Variants in ASTN2 observed in about 807,000 individuals in gnomAD.
The protein encoded by ASTN2 is astrotactin-2.
ASTN2 carries 54 observed loss-of-function variants against 139.8 expected under a neutral mutation model. That is an observed-to-expected ratio of 0.39 (90% CI 0.31 to 0.48). The LOEUF is 0.48. Ranked by LOEUF, ASTN2 falls within the 20% of genes least tolerant of loss-of-function variation. The pLI is 0.95. For missense variants in ASTN2, 1,565 were observed against 1,725.1 expected (o/e 0.91, Z 1.64); for synonymous variants, 756 against 719.5 (o/e 1.05, Z -0.81).
chr9:116,781,078 G>C (rs1158653111), intron 13 of ASTN2, among the ~76,000 whole-genome samples: 4 of 152,098 alleles, frequency 2.6e-5, no homozygotes, highest in Non-Finnish European at 5.9e-5. Flanking sequence ...GACCTCAGGT[G>C]ATCCGCCCAC....
At chr9:117,245,829 C>T (rs916657119) in intron 2 of ASTN2, among the ~76,000 whole-genome samples, 5 of 152,138 alleles carry the variant, frequency 3.3e-5, no homozygotes, top group Non-Finnish European at 7.4e-5. Context: ...GGTCTCTGCT[C>T]TTTAGGTCCT....
At chr9:116,579,028 T>G (rs756500872) in intron 19 of ASTN2, 2 of 152,042 alleles carry the variant, frequency 1.3e-5, no homozygotes, top group African/African-American at 2.4e-5. Context: ...GCACCTGTGA[T>G]TCTCAAAATA....
chr9:116,942,485 A>T (rs895767906), intron 10 of ASTN2, among the ~76,000 whole-genome samples: 1 of 152,060 alleles, frequency 6.6e-6, no homozygotes, highest in African/African-American at 2.4e-5. Flanking sequence ...CCTCTGTAGG[A>T]TATGGTCCCT....
intron 1 of ASTN2, among the ~76,000 whole-genome samples, chr9:117,335,019 C>A (rs1828838054): frequency 1.3e-5 from 2 of 152,158 alleles, no homozygotes; most frequent in Admixed American, 1.3e-4. Flanking sequence ...CATGCTACTG[C>A]ACTCCAGCCT....
chr9:116,953,840 A>G (rs1835634018), intron 10 of ASTN2, among the ~76,000 whole-genome samples: 1 of 152,210 alleles, frequency 6.6e-6, no homozygotes. Context: ...CATTTAGCTC[A>G]TTAGTGGCAG....
intron 17 of ASTN2, among the ~76,000 whole-genome samples, chr9:116,636,498 A>T (rs1483284411): frequency 6.6e-6 from 1 of 152,110 alleles, no homozygotes; most frequent in Admixed American, 6.6e-5. Context: ...AACATGGTGA[A>T]ACCCCATCTC....
intron 1 of ASTN2, among the ~76,000 whole-genome samples, chr9:117,337,392 A>G (rs1230285402): frequency 6.6e-6 from 1 of 152,184 alleles, no homozygotes; most frequent in Non-Finnish European, 1.5e-5. Flanking sequence ...GAATGCGGAG[A>G]AATAAAAAGA....
intron 19 of ASTN2, among the ~76,000 whole-genome samples, chr9:116,599,907 C>G (rs185758711): frequency 6.3e-4 from 96 of 152,222 alleles, no homozygotes; most frequent in Non-Finnish European, 1.1e-3. Flanking sequence ...GTGTTCAGAC[C>G]AAGGTCAGCC....
chr9:117,373,552 G>T (rs1285728074), intron 1 of ASTN2, among the ~76,000 whole-genome samples: 1 of 152,170 alleles, frequency 6.6e-6, no homozygotes, highest in African/African-American at 2.4e-5. Context: ...ATTCAGAAAG[G>T]CCTCTTTTGA....
At chr9:116,782,882 C>T (rs1322346883) in intron 13 of ASTN2, among the ~76,000 whole-genome samples, 1 of 152,212 alleles carries the variant, frequency 6.6e-6, no homozygotes, top group African/African-American at 2.4e-5. Context: ...CCTGGTAGCA[C>T]TCTGACTTTC....
At chr9:117,209,946 C>A (rs1832066579) in intron 3 of ASTN2, among the ~76,000 whole-genome samples, 1 of 151,980 alleles carries the variant, frequency 6.6e-6, no homozygotes, top group African/African-American at 2.4e-5. Context: ...ATAAGATGCT[C>A]CTGAATGACC....
intron 1 of ASTN2, among the ~76,000 whole-genome samples, chr9:117,305,836 G>A (rs1834985423): frequency 1.3e-5 from 2 of 152,204 alleles, no homozygotes. Context: ...AAAGCCACAG[G>A]TAACAATGCT....
chr9:116,864,647 C>T (rs966217270), intron 10 of ASTN2, among the ~76,000 whole-genome samples: 3 of 152,154 alleles, frequency 2.0e-5, no homozygotes. Flanking sequence ...GCACCATGGG[C>T]AGTGAGAAGC....
At chr9:116,818,530 A>G (rs1180765486) in intron 12 of ASTN2, among the ~76,000 whole-genome samples, 1 of 151,922 alleles carries the variant, frequency 6.6e-6, no homozygotes, top group Non-Finnish European at 1.5e-5. Flanking sequence ...ATTTATTACC[A>G]TTTGGATGGG....
intron 2 of ASTN2, among the ~76,000 whole-genome samples, chr9:117,265,610 A>G (rs1833923060): frequency 6.6e-6 from 1 of 152,194 alleles, no homozygotes; most frequent in Non-Finnish European, 1.5e-5. Flanking sequence ...AGAATCTCCA[A>G]TCCGGCCTAA....
At chr9:117,329,677 T>C (rs1311942177) in intron 1 of ASTN2, among the ~76,000 whole-genome samples, 2 of 152,150 alleles carry the variant, frequency 1.3e-5, no homozygotes, top group Non-Finnish European at 2.9e-5. Flanking sequence ...CAAGATCACT[T>C]GGCAAGAAGT....
chr9:117,349,430 A>G (rs1829321923), intron 1 of ASTN2, among the ~76,000 whole-genome samples: 1 of 152,180 alleles, frequency 6.6e-6, no homozygotes, highest in Non-Finnish European at 1.5e-5. Context: ...AGATGGAGAA[A>G]TTAGACATGG....
At chr9:116,779,320 G>A (rs538453745) in intron 13 of ASTN2, among the ~76,000 whole-genome samples, 1 of 152,024 alleles carries the variant, frequency 6.6e-6, no homozygotes, top group Non-Finnish European at 1.5e-5. Context: ...TGTCCCTTTT[G>A]CCAGGTGAGG....
chr9:117,055,393 G>A (rs1215332879), intron 5 of ASTN2, among the ~76,000 whole-genome samples: 1 of 152,090 alleles, frequency 6.6e-6, no homozygotes, highest in Non-Finnish European at 1.5e-5. Flanking sequence ...GAGGTGAGAG[G>A]ACCACTTGAG....
Sources: allele counts gnomAD v4.1 joint callset (sites outside exome capture counted in the v4.1 genomes callset), GRCh38; gene constraint gnomAD v4.1.1; transcripts MANE v1.5; gene names NCBI Gene and HGNC (gene_info 2026-07-23, HGNC 2026-07-21).